The following RASSF6 variants were observed in gnomAD, a reference collection of about 807,000 sequenced individuals.
RASSF6 encodes Ras association domain family member 6.
In RASSF6, 52 loss-of-function variants were observed where a neutral mutation model predicts 44.0. That is an observed-to-expected ratio of 1.18 (90% confidence interval 0.95 to 1.49). The LOEUF (loss-of-function observed/expected upper bound fraction) is 1.49. RASSF6 is among the 40% of genes most tolerant of loss of function. The probability of loss-of-function intolerance (pLI) is 0.00; values close to 1 mark genes in which losing one functional copy is unlikely to be tolerated. For missense variants in RASSF6, 464 were observed against 393.3 expected, an observed-to-expected ratio of 1.18 and a Z score of -1.52; for synonymous variants, 162 against 124.6, an observed-to-expected ratio of 1.30 and a Z score of -2.00.
At chr4:73,617,892 T>C (rs568739321) in intron 1 of RASSF6, among the ~76,000 whole-genome samples, 10 of 152,338 alleles carry the variant, frequency 6.6e-5, no homozygotes, top group African/African-American at 2.4e-4. Context: ...TTTAAAAATC[T>C]AAGCTTTTAT....
At chr4:73,593,058 C>T (rs1259479733) in intron 4 of RASSF6, among the ~76,000 whole-genome samples, 1 of 148,006 alleles carries the variant, frequency 6.8e-6, no homozygotes, top group Admixed American at 6.8e-5. Context: ...CTCTGTTGCT[C>T]AGGCTGGAGT....
At chr4:73,620,261 G>GT in intron 1 of RASSF6, 27 bp downstream of exon 1, 5 of 1,379,006 alleles carry the variant, frequency 3.6e-6, no homozygotes, top group Middle Eastern at 2.3e-4. Context: ...GGATTAGAAA[G>GT]TTTTTTTCCC....
intron 8 of RASSF6, among the ~76,000 whole-genome samples, chr4:73,580,107 G>A (rs1295935096): frequency 6.8e-6 from 1 of 146,820 alleles, no homozygotes; most frequent in Non-Finnish European, 1.5e-5. Context: ...CCACCTATGA[G>A]TGAGAATATG....
chr4:73,604,089 G>GT (rs1560456795), intron 2 of RASSF6: 2 of 152,194 alleles, frequency 1.3e-5, no homozygotes. Context: ...CCAAAGGCAT[G>GT]TTTATCCCCT....
rs1462742398 is a variant in RASSF6, at chr4:73,576,430, C to G, written c.918G>C (p.Glu306Asp). 1.3e-6 allele frequency: 2 copies of G among 1,572,890 alleles called. No homozygotes were observed. Among genetic ancestry groups the G allele is most frequent in the Non-Finnish European group, 1.7e-6 (2 of 1,153,072 alleles). The change falls in exon 10 of 11, where the codon GAG becomes GAC. Residue 306 changes from glutamate to aspartate, a missense_variant. Coordinates refer to ENST00000307439, the MANE Select transcript of RASSF6 (RefSeq NM_177532.5). ...LQRLNEEEKR[E>D]IQRIVTKFNK... ...CTTACTTTGTTACTATTCTTTGAATCTCTCTTTTCTCTTCTTCATTTAATC... is the reference window on the plus strand; with the variant it reads ...CTTACTTTGTTACTATTCTTTGAATGTCTCTTTTCTCTTCTTCATTTAATC...
At chr4:73,618,735 T>C (rs1199661366) in intron 1 of RASSF6, among the ~76,000 whole-genome samples, 2 of 152,132 alleles carry the variant, frequency 1.3e-5, no homozygotes, top group African/African-American at 4.8e-5. Context: ...ATTTCAACTC[T>C]GCAATTTGAA....
rs547618294 is a variant in RASSF6 at position 73,581,035 on chromosome 4, T to A, written c.721+782A>T. On this transcript the variant is annotated intron_variant, in intron 8 of 10. Coordinates refer to ENST00000307439, the MANE Select transcript of RASSF6 (RefSeq NM_177532.5). ...TAACGTTTAAGTCTTTAATTATAGA[T>A]CTTTAAGCTTTCAATTATAAGAACT... Among the ~76,000 whole-genome samples the A allele has an allele frequency of 1.8e-4, 27 of 152,110 alleles. 1 individual carries two copies. Among genetic ancestry groups the A allele is most frequent in the Middle Eastern group, 6.8e-3 (2 of 294 alleles).
chr4:73,579,220 CTT>C (rs1560438317), intron 8 of RASSF6, among the ~76,000 whole-genome samples: 1 of 152,076 alleles, frequency 6.6e-6, no homozygotes, highest in Non-Finnish European at 1.5e-5. Context: ...GTAACTTTGT[CTT>C]TAGCTTTTTG....
chr4:73,572,832 G>T lies in RASSF6; in HGVS notation c.*3403C>A, dbSNP rs566702202. 3 of 152,194 alleles carry T rather than the reference G, an allele frequency of 2.0e-5. No individual in the cohort carries two copies. In the South Asian group the frequency reaches 6.2e-4, roughly 32 times the overall value. The allele number at this position is 152,194 out of a possible 1,614,324, so 9.4% of individuals were successfully genotyped here. A position where few individuals can be genotyped will look rare whatever the true frequency, so the allele number is the denominator to read the frequency against. On this transcript the variant is annotated 3_prime_UTR_variant, in exon 11 of 11. Transcript: ENST00000307439. The stretch of plus-strand genomic sequence containing the variant: ...TAGAACACTTAATACAGATAGGGAA[G>T]TTAGAAAAACATGAATCACTCATAA...
intron 8 of RASSF6, among the ~76,000 whole-genome samples, chr4:73,578,657 G>C (rs1055502239): frequency 6.9e-6 from 1 of 144,470 alleles, no homozygotes; most frequent in Admixed American, 7.0e-5. Flanking sequence ...TTTTTTAGAC[G>C]GAGTGCAATG....
chr4:73,587,806 TAA>T (rs1724213899), intron 5 of RASSF6, 32 bp downstream of exon 5: 2 of 1,354,070 alleles, frequency 1.5e-6, no homozygotes, highest in African/African-American at 1.4e-5. Context: ...AATTAAAAAT[TAA>T]GTCTCCCAAT....
chr4:73,578,374 C>T (rs1005228393), intron 8 of RASSF6, among the ~76,000 whole-genome samples: 3 of 152,142 alleles, frequency 2.0e-5, no homozygotes, highest in Non-Finnish European at 2.9e-5. Flanking sequence ...TTCAAGTTAT[C>T]ACACAATCAT....
chr4:73,607,825 C>G (rs1193204826), intron 2 of RASSF6, among the ~76,000 whole-genome samples: 1 of 151,856 alleles, frequency 6.6e-6, no homozygotes, highest in East Asian at 1.9e-4. Context: ...CTCCTCTCCT[C>G]TCCTCTCCTC....
At position 73,582,199 on chromosome 4, in the gene RASSF6, TGG is replaced by T. The variant is rs1723706897; in HGVS notation, c.657_658del (p.Gln220LysfsTer3). On this transcript the variant is annotated frameshift_variant, in exon 7 of 11. Coordinates refer to ENST00000307439, the MANE Select transcript of RASSF6 (RefSeq NM_177532.5). LOFTEE classifies it high-confidence loss of function. ...AGTGATAAAGGTTACCTTAAATTTT[TGG>T]AGAAGTTGCTTTATTACTTCTTCAG... The T allele has an allele frequency of 6.5e-7, 1 of 1,530,814 alleles. No individual in the cohort carries two copies. Among genetic ancestry groups the T allele is most frequent in the South Asian group, 1.2e-5 (1 of 85,274 alleles). 94.8% of individuals were successfully genotyped at this position (1,530,814 alleles called of 1,614,324 possible).
At chr4:73,586,964 T>G (rs976507796) in intron 5 of RASSF6, among the ~76,000 whole-genome samples, 1 of 151,674 alleles carries the variant, frequency 6.6e-6, no homozygotes, top group Admixed American at 6.6e-5. Flanking sequence ...CTTATGAAGT[T>G]AATGCTAGTG....
intron 7 of RASSF6, 82 bp from the exon 8 acceptor site, chr4:73,581,950 T>G: frequency 9.8e-7 from 1 of 1,015,614 alleles, no homozygotes; most frequent in Non-Finnish European, 1.5e-6. Flanking sequence ...AAATCATGTC[T>G]GTTTTCTCTC....
rs1726117436 is a variant in RASSF6 at position 73,612,808 on chromosome 4, T to G, written c.-34-979A>C. On this transcript the variant is annotated intron_variant, in intron 1 of 10. Transcript: ENST00000307439. ...ATCACCTATTTGGTCACAAACCATCTTGGTATCTTTCTTAATAAATACAGC... is the reference window on the plus strand; with the variant it reads ...ATCACCTATTTGGTCACAAACCATCGTGGTATCTTTCTTAATAAATACAGC... Among the ~76,000 whole-genome samples, 3 of 152,186 alleles carry G rather than the reference T, an allele frequency of 2.0e-5. No homozygotes were observed. The South Asian group carries it at 6.2e-4, about 31-fold the overall frequency.
intron 1 of RASSF6, among the ~76,000 whole-genome samples, chr4:73,619,911 A>G (rs1726590617): frequency 6.6e-6 from 1 of 152,054 alleles, no homozygotes. Context: ...AACCATAAGG[A>G]TACTCAGAGG....
intron 3 of RASSF6, among the ~76,000 whole-genome samples, chr4:73,596,167 A>T (rs546006060): frequency 5.3e-5 from 8 of 152,054 alleles, no homozygotes; most frequent in African/African-American, 1.7e-4. Flanking sequence ...GAAATAAAGG[A>T]CGTTCAAATA....
Sources: allele counts gnomAD v4.1 joint callset (sites outside exome capture counted in the v4.1 genomes callset), GRCh38; gene constraint gnomAD v4.1.1; transcripts MANE v1.5; gene names NCBI Gene and HGNC (gene_info 2026-07-23, HGNC 2026-07-21).